The following NPAS3 variants were observed in gnomAD, a reference collection of about 807,000 sequenced individuals.
NPAS3 encodes the protein neuronal PAS domain protein 3.
A neutral mutation model predicts 73.1 loss-of-function variants in NPAS3; 14 were observed. The ratio of observed to expected loss-of-function variants is 0.19; its 90% CI spans 0.13 to 0.30. The LOEUF (loss-of-function observed/expected upper bound fraction) is 0.30, where lower values mean the gene tolerates loss of function less well. Among genes scored for constraint, NPAS3 ranks in the 10% least tolerant of loss-of-function variants. The probability of loss-of-function intolerance (pLI) is 1.00; values close to 1 mark genes in which losing one functional copy is unlikely to be tolerated. For missense variants in NPAS3, 1,096 were observed against 1,250.0 expected (o/e 0.88, Z 1.86); for synonymous variants, 620 against 541.5 (o/e 1.14, Z -2.01).
intron 6 of NPAS3, among the ~76,000 whole-genome samples, chr14:33,716,437 TA>T: frequency 6.6e-6 from 1 of 152,342 alleles, no homozygotes; most frequent in East Asian, 1.9e-4. Flanking sequence ...CATGTTTCAT[TA>T]GTATGTGTTC....
chr14:33,540,119 C>T (rs1016217975), intron 4 of NPAS3, among the ~76,000 whole-genome samples: 52 of 152,136 alleles, frequency 3.4e-4, no homozygotes, highest in African/African-American at 1.1e-3. Context: ...GTGAACATTC[C>T]CTTGTTCTAT....
At chr14:33,389,498 A>T (rs1440525994) in intron 4 of NPAS3, among the ~76,000 whole-genome samples, 2 of 152,116 alleles carry the variant, frequency 1.3e-5, no homozygotes, top group African/African-American at 4.8e-5. Context: ...AGAACTAGAC[A>T]CTTAGGTTTT....
Position 33,748,739 on chromosome 14 carries a change from C to T in NPAS3, c.852+13407C>T, listed in dbSNP as rs185108632. Among the ~76,000 whole-genome samples, 199 of 152,284 alleles carry T rather than the reference C, an allele frequency of 1.3e-3. 1 individual carries two copies. Among genetic ancestry groups the T allele is most frequent in the African/African-American group, 4.5e-3 (189 of 41,560 alleles). On this transcript the variant is annotated intron_variant, in intron 7 of 11. Transcript: ENST00000356141. ...CGAACAATTGACTTTGATGTTCATT[C>T]GTCATTGATGGTTGGCTGACAGTAC...
intron 2 of NPAS3, among the ~76,000 whole-genome samples, chr14:33,104,696 A>G (rs2042670792): frequency 6.6e-6 from 1 of 152,208 alleles, no homozygotes; most frequent in South Asian, 2.1e-4. Context: ...GCATAGCCGT[A>G]AGCCACATTA....
At chr14:33,424,085 C>A (rs1210409979) in intron 4 of NPAS3, among the ~76,000 whole-genome samples, 2 of 151,934 alleles carry the variant, frequency 1.3e-5, no homozygotes, top group Non-Finnish European at 2.9e-5. Flanking sequence ...ATAACAAATG[C>A]CCTCAAGGAG....
intron 4 of NPAS3, among the ~76,000 whole-genome samples, chr14:33,495,152 TC>T (rs1455850926): frequency 6.6e-6 from 1 of 152,142 alleles, no homozygotes; most frequent in Admixed American, 6.6e-5. Context: ...TTTAGCTGTA[TC>T]CCAGAGATTC....
chr14:33,058,958 C>T (rs752030065), intron 2 of NPAS3, among the ~76,000 whole-genome samples: 15 of 152,284 alleles, frequency 9.9e-5, no homozygotes, highest in Middle Eastern at 3.4e-3. Context: ...GAAGAGGCTA[C>T]GCTGTTTGGT....
At chr14:33,422,450 G>A in intron 4 of NPAS3, among the ~76,000 whole-genome samples, 1 of 151,872 alleles carries the variant, frequency 6.6e-6, no homozygotes, top group Non-Finnish European at 1.5e-5. Context: ...AGGGATACAG[G>A]TATAAAGGGA....
chr14:33,290,270 T>C (rs938791545), intron 3 of NPAS3, among the ~76,000 whole-genome samples: 7 of 152,172 alleles, frequency 4.6e-5, no homozygotes, highest in African/African-American at 1.4e-4. Flanking sequence ...GATATGAGCA[T>C]GCTTTTCATT....
intron 2 of NPAS3, among the ~76,000 whole-genome samples, chr14:33,105,060 G>A (rs528052004): frequency 7.9e-5 from 12 of 152,134 alleles, no homozygotes; most frequent in Middle Eastern, 3.4e-3. Context: ...CTATATCTTG[G>A]AGAAGTGTGT....
At chr14:33,374,709 G>A (rs556550409) in intron 4 of NPAS3, among the ~76,000 whole-genome samples, 4 of 149,594 alleles carry the variant, frequency 2.7e-5, no homozygotes, top group South Asian at 2.1e-4. Flanking sequence ...CGGGGCGGGG[G>A]GGGGAGTAGA....
chr14:33,101,360 A>C (rs2042571611), intron 2 of NPAS3, among the ~76,000 whole-genome samples: 1 of 152,186 alleles, frequency 6.6e-6, no homozygotes, highest in Non-Finnish European at 1.5e-5. Flanking sequence ...TAGGGGAAAA[A>C]AGAGTGCAGG....
chr14:33,119,284 T>C (rs141806931), intron 2 of NPAS3, among the ~76,000 whole-genome samples: 358 of 152,220 alleles, frequency 2.4e-3, no homozygotes, highest in African/African-American at 8.4e-3. Context: ...TTTGTTTTTT[T>C]TCCACTGCCG....
At chr14:33,371,613 T>C (rs145059718) in intron 4 of NPAS3, among the ~76,000 whole-genome samples, 4 of 152,320 alleles carry the variant, frequency 2.6e-5, no homozygotes, top group African/African-American at 9.6e-5. Flanking sequence ...TCATAATTTA[T>C]GTAACCATTT....
At chr14:33,553,285 G>A (rs1178665850) in intron 4 of NPAS3, among the ~76,000 whole-genome samples, 9 of 152,218 alleles carry the variant, frequency 5.9e-5, no homozygotes, top group African/African-American at 2.2e-4. Flanking sequence ...ATCTTGCTCA[G>A]AAAGTGGGTC....
intron 4 of NPAS3, among the ~76,000 whole-genome samples, chr14:33,509,962 C>G (rs1347316826): frequency 1.3e-5 from 2 of 151,966 alleles, no homozygotes; most frequent in African/African-American, 4.8e-5. Flanking sequence ...CTAAAGTCTA[C>G]CCTCCAAAGC....
At chr14:33,153,735 C>T (rs1368414047) in intron 2 of NPAS3, among the ~76,000 whole-genome samples, 1 of 152,030 alleles carries the variant, frequency 6.6e-6, no homozygotes, top group East Asian at 1.9e-4. Flanking sequence ...CCAACAGAAC[C>T]ATCCTTTCTC....
intron 4 of NPAS3, among the ~76,000 whole-genome samples, chr14:33,434,051 G>T (rs2048884441): frequency 6.6e-6 from 1 of 152,022 alleles, no homozygotes; most frequent in African/African-American, 2.4e-5. Flanking sequence ...AATTAGCTGG[G>T]CGTGGTGGCA....
intron 6 of NPAS3, among the ~76,000 whole-genome samples, chr14:33,716,331 A>G (rs1197039226): frequency 1.3e-5 from 2 of 152,146 alleles, no homozygotes; most frequent in Non-Finnish European, 2.9e-5. Context: ...CCTTTGTATC[A>G]TGATTCTTCC....
Sources: allele counts gnomAD v4.1 joint callset (sites outside exome capture counted in the v4.1 genomes callset), GRCh38; gene constraint gnomAD v4.1.1; transcripts MANE v1.5; gene names NCBI Gene and HGNC (gene_info 2026-07-23, HGNC 2026-07-21).